Variants in AFF3 observed in about 807,000 individuals in gnomAD.
AFF3 encodes the protein ALF transcription elongation factor 3.
Under a neutral mutation model 129.7 loss-of-function variants are expected in AFF3, and 32 were observed. That is an observed-to-expected ratio of 0.25 (90% CI 0.19 to 0.33). The LOEUF is 0.33. Among genes scored for constraint, AFF3 ranks in the 10% least tolerant of loss-of-function variants. The pLI, the probability that AFF3 is intolerant of heterozygous loss-of-function variation, is 1.00. For synonymous variants in AFF3, 644 were observed against 635.4 expected (o/e 1.01, Z -0.20); for missense variants, 1,373 against 1,592.0 (o/e 0.86, Z 2.34).
intron 8 of AFF3, among the ~76,000 whole-genome samples, chr2:99,797,047 AAACTC>A (rs1685601113): frequency 1.3e-5 from 2 of 152,172 alleles, no homozygotes; most frequent in Non-Finnish European, 2.9e-5. Context: ...CAAAAAAGCA[AAACTC>A]TGTCTGGGTC....
intron 18 of AFF3, among the ~76,000 whole-genome samples, chr2:99,573,353 G>C (rs1676684836): frequency 6.6e-6 from 1 of 152,038 alleles, no homozygotes; most frequent in African/African-American, 2.4e-5. Flanking sequence ...TTTCATAATG[G>C]GAGAAATTCC....
At chr2:100,135,538 G>A (rs1372664914) in intron 1 of AFF3, among the ~76,000 whole-genome samples, 1 of 152,120 alleles carries the variant, frequency 6.6e-6, no homozygotes, top group Non-Finnish European at 1.5e-5. Context: ...GAGAGAGAGC[G>A]CCCAAGGAGC....
rs186449773 is a variant in AFF3 at position 99,722,950 on chromosome 2, T to A, written c.1091+4127A>T. Among the ~76,000 whole-genome samples, 4 of 152,360 alleles carry A rather than the reference T, an allele frequency of 2.6e-5. No homozygotes were observed. The East Asian group carries it at 5.8e-4, about 22-fold the overall frequency. ...GAAGCTATATAAACATAGTTCTCAC[T>A]CTTTCAAGGATCAAATGACCCTCTT... On this transcript the variant is annotated intron_variant, in intron 11 of 24. Transcript: ENST00000672756.
intron 10 of AFF3, among the ~76,000 whole-genome samples, chr2:99,730,482 G>T (rs531318327): frequency 1.1e-4 from 16 of 151,254 alleles, no homozygotes; most frequent in African/African-American, 3.6e-4. Context: ...GCATTAAACT[G>T]AATTCTGCAC....
intron 13 of AFF3, among the ~76,000 whole-genome samples, chr2:99,606,978 C>A (rs1680430484): frequency 6.7e-6 from 1 of 149,352 alleles, no homozygotes; most frequent in African/African-American, 2.5e-5. Context: ...TTCTTCCCTT[C>A]TGAGAATATT....
At chr2:100,092,611 G>A (rs1390243466) in intron 4 of AFF3, among the ~76,000 whole-genome samples, 8 of 152,164 alleles carry the variant, frequency 5.3e-5, no homozygotes, top group African/African-American at 1.9e-4. Context: ...CTCCCATCCT[G>A]CCATTCCCAA....
At chr2:100,019,204 C>T (rs965205181) in intron 4 of AFF3, among the ~76,000 whole-genome samples, 2 of 152,090 alleles carry the variant, frequency 1.3e-5, no homozygotes, top group African/African-American at 4.8e-5. Context: ...TAAAAAAAGG[C>T]TCATGCTCTT....
At chr2:99,731,242 G>A (rs1447079872) in intron 10 of AFF3, among the ~76,000 whole-genome samples, 2 of 152,186 alleles carry the variant, frequency 1.3e-5, no homozygotes, top group East Asian at 1.9e-4. Flanking sequence ...ACAGGTGTAA[G>A]CTACCGTGCC....
At chr2:100,139,978 T>G (rs1692795268) in intron 1 of AFF3, among the ~76,000 whole-genome samples, 1 of 152,228 alleles carries the variant, frequency 6.6e-6, no homozygotes, top group African/African-American at 2.4e-5. Flanking sequence ...AAATGGGTCA[T>G]TTGAAAGAAC....
At chr2:99,558,319 C>G (rs1675140195) in intron 22 of AFF3, among the ~76,000 whole-genome samples, 1 of 152,114 alleles carries the variant, frequency 6.6e-6, no homozygotes, top group Admixed American at 6.5e-5. Flanking sequence ...TCTCTTGAAG[C>G]CATAAAAATA....
At chr2:99,731,915 T>C (rs527804827) in intron 10 of AFF3, among the ~76,000 whole-genome samples, 21 of 152,334 alleles carry the variant, frequency 1.4e-4, no homozygotes, top group African/African-American at 5.1e-4. Flanking sequence ...GAACATAAAA[T>C]GTATATTTAC....
In AFF3 at chr2:100,064,158, A is replaced by G. The variant is rs374762895; in HGVS notation, c.53+40244T>C. 4.6e-5 allele frequency among the ~76,000 whole-genome samples: 7 copies of G among 152,168 alleles called. No individual in the cohort carries two copies. In the East Asian group the frequency reaches 5.8e-4, roughly 13 times the overall value. ...ATTCAATCTAGGTGATTGTCATAAAACTGATAAACAACAATGATAAAGAAA... is the reference window on the plus strand; with the variant it reads ...ATTCAATCTAGGTGATTGTCATAAAGCTGATAAACAACAATGATAAAGAAA... On this transcript the variant is annotated intron_variant, in intron 4 of 24. Coordinates refer to ENST00000672756, the MANE Select transcript of AFF3 (RefSeq NM_001386135.1).
At chr2:99,719,417 TC>T in intron 11 of AFF3, among the ~76,000 whole-genome samples, 1 of 152,076 alleles carries the variant, frequency 6.6e-6, no homozygotes, top group East Asian at 1.9e-4. Flanking sequence ...ATGATATTTT[TC>T]TTTTCTTATC....
chr2:99,613,220 G>C (rs1317051551), intron 13 of AFF3, among the ~76,000 whole-genome samples: 2 of 152,106 alleles, frequency 1.3e-5, no homozygotes, highest in Admixed American at 1.3e-4. Context: ...ATTTTTGGCA[G>C]GTTTTGTATC....
At chr2:99,871,560 C>A (rs1260553767) in intron 7 of AFF3, among the ~76,000 whole-genome samples, 1 of 152,150 alleles carries the variant, frequency 6.6e-6, no homozygotes, top group African/African-American at 2.4e-5. Context: ...AAGGCTGACT[C>A]TTAACAACTA....
At chr2:99,574,024 T>C (rs1676756190) in intron 18 of AFF3, among the ~76,000 whole-genome samples, 1 of 152,140 alleles carries the variant, frequency 6.6e-6, no homozygotes, top group South Asian at 2.1e-4. Flanking sequence ...CATGACACAG[T>C]TGTTCTCTCT....
intron 12 of AFF3, among the ~76,000 whole-genome samples, chr2:99,657,729 A>G (rs1575616259): frequency 6.6e-6 from 1 of 152,220 alleles, no homozygotes; most frequent in South Asian, 2.1e-4. Flanking sequence ...AGGTTTGTTT[A>G]TGTCTACTAG....
chr2:99,778,897 CGTGTGTGTGTGT>C (rs61526527), intron 8 of AFF3, among the ~76,000 whole-genome samples: 5,285 of 43,160 alleles, frequency 0.12, 256 homozygotes, highest in East Asian at 0.39. Context: ...TGTGTGTGCG[CGTGTGTGTGTGT>C]GTGTGTGTGT....
chr2:99,896,718 C>T (rs1693993273), intron 7 of AFF3, among the ~76,000 whole-genome samples: 1 of 137,244 alleles, frequency 7.3e-6, no homozygotes, highest in African/African-American at 2.6e-5. Context: ...TCACTGTGAC[C>T]TCCACCTCCC....
Sources: gnomAD v4.1 joint callset for allele counts (sites outside exome capture counted in the v4.1 genomes callset) on GRCh38, gnomAD v4.1.1 for gene constraint, MANE v1.5 for transcripts, NCBI Gene and HGNC (gene_info 2026-07-23, HGNC 2026-07-21) for gene names.